KCNJ10: variants seen among roughly 807,000 people sequenced by gnomAD.
The protein encoded by KCNJ10 is potassium inwardly rectifying channel subfamily J member 10.
In KCNJ10, 9 loss-of-function variants were observed where a neutral mutation model predicts 22.2. The ratio of observed to expected loss-of-function variants is 0.40; its 90% CI spans 0.24 to 0.71. KCNJ10 has a LOEUF of 0.71. KCNJ10 is among the 30% of genes least tolerant of loss of function. The pLI is 0.35. For synonymous variants in KCNJ10, 184 were observed against 187.3 expected (o/e 0.98, Z 0.15); for missense variants, 337 against 482.7 (o/e 0.70, Z 2.83).
At chr1:160,046,840 G>T (rs545097952) in intron 1 of KCNJ10, among the ~76,000 whole-genome samples, 1 of 152,206 alleles carries the variant, frequency 6.6e-6, no homozygotes, top group South Asian at 2.1e-4. Context: ...GGGCACCCCC[G>T]CAAAATAAAA....
Position 160,042,422 on chromosome 1 carries a change from G to A in KCNJ10, c.111C>T (p.Ser37=). The stretch of plus-strand genomic sequence containing the variant: ...CGGCAATGTGCTCCATTCTCACGTT[G>A]CTGCGACCATCTTTTGTCAGGACTC... ...RRRVLTKDGR[S]NVRMEHIADK... Residue 37 remains serine, a synonymous_variant, in exon 2 of 2, where the codon AGC becomes AGT. Coordinates refer to ENST00000644903, the MANE Select transcript of KCNJ10 (RefSeq NM_002241.5). 1.2e-6 allele frequency: 2 copies of A among 1,614,204 alleles called. No homozygotes were observed. The highest frequency in any genetic ancestry group is 1.7e-6 in the Non-Finnish European group (2 of 1,180,038).
At chr1:160,069,577 A>G (rs1649402904) in intron 1 of KCNJ10, among the ~76,000 whole-genome samples, 1 of 151,502 alleles carries the variant, frequency 6.6e-6, no homozygotes, top group Non-Finnish European at 1.5e-5. Context: ...GGAACTAGCG[A>G]TCATGGGTGT....
Position 160,041,377 on chromosome 1 carries a change from G to A in KCNJ10, c.*16C>T, listed in dbSNP as rs777070823. 13 of 1,608,924 alleles carry A rather than the reference G, an allele frequency of 8.1e-6. No homozygotes were observed. In the East Asian group the frequency reaches 2.2e-4, roughly 28 times the overall value. ...AGGAAAAGAGACCAGAGGAATGGGGGAGTGGGAACAGGTCATCAGACATTG... is the reference window on the plus strand; with the variant it reads ...AGGAAAAGAGACCAGAGGAATGGGGAAGTGGGAACAGGTCATCAGACATTG... On this transcript the variant is annotated 3_prime_UTR_variant, in exon 2 of 2. Coordinates refer to ENST00000644903, the MANE Select transcript of KCNJ10 (RefSeq NM_002241.5). This position sits in a 1 kb window ranked among gnomAD's most constrained non-coding sequence, Gnocchi z 4.4.
At chr1:160,067,719 CTT>C (rs1268879920) in intron 1 of KCNJ10, among the ~76,000 whole-genome samples, 2 of 152,180 alleles carry the variant, frequency 1.3e-5, no homozygotes, top group East Asian at 3.9e-4. Flanking sequence ...CCCAATGTCT[CTT>C]TTCCTCCCCA....
In KCNJ10 at chr1:160,041,446, CCCTTAA is replaced by C; in HGVS notation, c.1081_1086del (p.Leu361_Arg362del). 6.2e-7 allele frequency: 1 copy of C among 1,614,060 alleles called. No individual in the cohort carries two copies. Among genetic ancestry groups the C allele is most frequent in the Non-Finnish European group, 8.5e-7 (1 of 1,180,014 alleles). On this transcript the variant is annotated inframe_deletion, in exon 2 of 2. Transcript: ENST00000644903. The surrounding 1 kb of genome is among the most constrained non-coding windows in gnomAD (Gnocchi z 4.4). ...GCACTGCCCTCCTTCTCAGCTTGCTCCCTTAATGACTCCTCCAACTTGAGCTTTTCA... is the reference window on the plus strand; with the variant it reads ...GCACTGCCCTCCTTCTCAGCTTGCTCTGACTCCTCCAACTTGAGCTTTTCA...
rs916993307 is a variant in KCNJ10 at position 160,043,993 on chromosome 1, A to T, written c.1-1461T>A. Among the ~76,000 whole-genome samples, 8 of 152,228 alleles carry T rather than the reference A, an allele frequency of 5.3e-5. No homozygotes were observed. The East Asian group carries it at 1.5e-3, about 29-fold the overall frequency. On this transcript the variant is annotated intron_variant, in intron 1 of 1. Transcript: ENST00000644903. ...TACATTCTCCATTCGAAAAAGTCTG[A>T]ACCATTGCATTTTATGATTCTTCAC...
chr1:160,049,675 T>TTTTATATATATATA (rs1553235648), intron 1 of KCNJ10, among the ~76,000 whole-genome samples: 1 of 47,114 alleles, frequency 2.1e-5, no homozygotes. Context: ...TTTTATTTAT[T>TTTTATATATATATA]TATATATATA....
intron 1 of KCNJ10, among the ~76,000 whole-genome samples, chr1:160,067,565 T>C (rs1250298435): frequency 6.6e-6 from 1 of 152,188 alleles, no homozygotes; most frequent in Non-Finnish European, 1.5e-5. Context: ...CCCACTGCTA[T>C]CCTGGACAGC....
At chr1:160,048,168 A>G (rs1648792054) in intron 1 of KCNJ10, among the ~76,000 whole-genome samples, 1 of 152,160 alleles carries the variant, frequency 6.6e-6, no homozygotes, top group South Asian at 2.1e-4. Flanking sequence ...CCCAGTGCCT[A>G]GTATAGTTTG....
At chr1:160,058,422 T>A (rs1293114611) in intron 1 of KCNJ10, among the ~76,000 whole-genome samples, 7 of 152,134 alleles carry the variant, frequency 4.6e-5, no homozygotes, top group African/African-American at 1.7e-4. Context: ...AAATCCAGGG[T>A]CTTCTGTGGA....
At chr1:160,067,621 G>A (rs1649350572) in intron 1 of KCNJ10, among the ~76,000 whole-genome samples, 1 of 152,136 alleles carries the variant, frequency 6.6e-6, no homozygotes, top group South Asian at 2.1e-4. Context: ...GGCAAGAGAA[G>A]AATCTAGGCC....
chr1:160,049,680 TATATATATATATATATATATA>T lies in KCNJ10; in HGVS notation c.1-7169_1-7149del, dbSNP rs1648840848. 3.3e-3 allele frequency among the ~76,000 whole-genome samples: 234 copies of T among 71,374 alleles called. 6 individuals carry two copies. The highest frequency in any genetic ancestry group is 5.7e-3 in the Non-Finnish European group (201 of 35,356). 46.8% of individuals were successfully genotyped at this position (71,374 alleles called of 152,430 possible). On this transcript the variant is annotated intron_variant, in intron 1 of 1. Transcript: ENST00000644903. ...GGATCCAGCATTTTATTTATTTATATATATATATATATATATATATATATATATATATATATATATGTTATC... is the reference window on the plus strand; with the variant it reads ...GGATCCAGCATTTTATTTATTTATATTATATATATATATATATATGTTATC...
At chr1:160,044,424 A>G (rs1450115405) in intron 1 of KCNJ10, among the ~76,000 whole-genome samples, 3 of 152,234 alleles carry the variant, frequency 2.0e-5, no homozygotes, top group African/African-American at 2.4e-5. Flanking sequence ...TAGAATTCAC[A>G]CATTAGAATA....
intron 1 of KCNJ10, among the ~76,000 whole-genome samples, chr1:160,051,213 T>C (rs1030962565): frequency 5.3e-5 from 8 of 152,004 alleles, no homozygotes; most frequent in African/African-American, 1.7e-4. Context: ...TGAGCTACGG[T>C]GTCTGGCCTA....
At chr1:160,066,344 C>A (rs1649321447) in intron 1 of KCNJ10, among the ~76,000 whole-genome samples, 1 of 152,116 alleles carries the variant, frequency 6.6e-6, no homozygotes, top group Non-Finnish European at 1.5e-5. Flanking sequence ...AATTCTTCTA[C>A]CTTCCCAAAC....
intron 1 of KCNJ10, among the ~76,000 whole-genome samples, chr1:160,052,065 C>G (rs1648919534): frequency 6.6e-6 from 1 of 152,144 alleles, no homozygotes; most frequent in Admixed American, 6.5e-5. Context: ...CTGTATCACA[C>G]AGCCTATGTG....
chr1:160,042,001 T>A lies in KCNJ10; in HGVS notation c.532A>T (p.Thr178Ser). ...KIARPKKRAE[T>S]IRFSQHAVVA... ...ACTGCATGCTGGCTGAAACGAATGGTCTCAGCCCGCTTCTTGGGCCGGGCA... is the reference window on the plus strand; with the variant it reads ...ACTGCATGCTGGCTGAAACGAATGGACTCAGCCCGCTTCTTGGGCCGGGCA... Residue 178 changes from threonine (T) to serine (S), a missense_variant, in exon 2 of 2, where the codon ACC (threonine) becomes TCC (serine). Physicochemically the swap from Thr to Ser is moderately conservative, Grantham distance 58 (BLOSUM62 1). Around this residue, in one of 3 missense-constraint regions of KCNJ10, gnomAD observed 165 missense variants for 281.5 expected, o/e 0.59. Coordinates refer to ENST00000644903, the MANE Select transcript of KCNJ10 (RefSeq NM_002241.5). 6.3e-7 allele frequency: 1 copy of A among 1,577,142 alleles called. No individual in the cohort carries two copies. Among genetic ancestry groups the A allele is most frequent in the Non-Finnish European group, 8.6e-7 (1 of 1,159,924 alleles).
In KCNJ10 at chr1:160,043,270, AAAACACACACACACACAC is replaced by A. The variant is rs1210919936; in HGVS notation, c.1-756_1-739del. Among the ~76,000 whole-genome samples, 55 of 24,084 alleles carry A rather than the reference AAAACACACACACACACAC, an allele frequency of 2.3e-3. 1 individual carries two copies. Among genetic ancestry groups the A allele is most frequent in the African/African-American group, 4.3e-3 (54 of 12,488 alleles). The allele number at this position is 24,084 out of a possible 152,430, so 15.8% of individuals were successfully genotyped here. A position where few individuals can be genotyped will look rare whatever the true frequency, so the allele number is the denominator to read the frequency against. Reference sequence around the variant, plus strand: ...AAATCCTTCCAGGCCAATCCCCCTTAAAACACACACACACACACACACACACACACACACACACACACA... The same window carrying A: ...AAATCCTTCCAGGCCAATCCCCCTTAACACACACACACACACACACACACA... On this transcript the variant is annotated intron_variant, in intron 1 of 1. Transcript: ENST00000644903.
At position 160,040,755 on chromosome 1, in the gene KCNJ10, A is replaced by T. The variant is rs967631818; in HGVS notation, c.*638T>A. On this transcript the variant is annotated 3_prime_UTR_variant, in exon 2 of 2. Transcript: ENST00000644903. ...AACAGAGGCTATGAGGGAACTGGGT[A>T]TCCTGAGAGTGTTCACTTGAGAAAC... 95 of 398,222 alleles carry T rather than the reference A, an allele frequency of 2.4e-4. No homozygotes were observed. Among genetic ancestry groups the T allele is most frequent in the Non-Finnish European group, 6.6e-5 (15 of 226,118 alleles). The allele number at this position is 398,222 out of a possible 1,614,324, so 24.7% of individuals were successfully genotyped here.
Sources: gnomAD v4.1 joint callset for allele counts (sites outside exome capture counted in the v4.1 genomes callset) on GRCh38, gnomAD v4.1.1 for gene constraint, gnomAD v4.1.1 regional missense constraint, Gnocchi (gnomAD v3.1) non-coding constraint, MANE v1.5 for transcripts, NCBI Gene and HGNC (gene_info 2026-07-23, HGNC 2026-07-21) for gene names.